BRF1: variants seen among roughly 807,000 people sequenced by gnomAD.
The protein encoded by BRF1 is transcription factor IIIB 90 kDa subunit.
BRF1 carries 59 observed loss-of-function variants against 81.7 expected under a neutral mutation model. The observed-to-expected ratio is 0.72, with a 90% confidence interval of 0.59 to 0.90. The LOEUF (loss-of-function observed/expected upper bound fraction) is 0.90. Ranked by LOEUF, BRF1 falls within the 40% of genes least tolerant of loss-of-function variation. The pLI, the probability that BRF1 is intolerant of heterozygous loss-of-function variation, is 0.00. For synonymous variants in BRF1, 491 were observed against 395.6 expected (o/e 1.24, Z -2.86); for missense variants, 1,050 against 936.3 (o/e 1.12, Z -1.58).
At position 105,272,075 on chromosome 14, in the gene BRF1, A is replaced by G. The variant is rs1193606745; in HGVS notation, c.439+646T>C. Among the ~76,000 whole-genome samples, 13 of 82,908 alleles carry G rather than the reference A, an allele frequency of 1.6e-4. 1 individual carries two copies. Among genetic ancestry groups the G allele is most frequent in the South Asian group, 4.6e-4 (1 of 2,182 alleles). 54.4% of individuals were successfully genotyped at this position (82,908 alleles called of 152,430 possible). ...GGCGGCCTCCCCGCCCACCGCCTGC[A>G]GTCACGGTGTCCACGCACAAGGCCA... On this transcript the variant is annotated intron_variant, in intron 3 of 17. Coordinates refer to ENST00000547530, the MANE Select transcript of BRF1 (RefSeq NM_001519.4).
chr14:105,262,087 C>T lies in BRF1; in HGVS notation c.440-5538G>A, dbSNP rs187973814. Among the ~76,000 whole-genome samples the T allele has an allele frequency of 5.9e-4, 90 of 152,322 alleles. No individual in the cohort carries two copies. The South Asian group carries it at 8.9e-3, about 15-fold the overall frequency. ...GCAGCACTCAGCATACAGCACTCAGCGGCCGACCAAGCACCCACACAGGAG... is the reference window on the plus strand; with the variant it reads ...GCAGCACTCAGCATACAGCACTCAGTGGCCGACCAAGCACCCACACAGGAG... On this transcript the variant is annotated intron_variant, in intron 3 of 17. Coordinates refer to ENST00000547530, the MANE Select transcript of BRF1 (RefSeq NM_001519.4).
At chr14:105,249,261 G>A in intron 5 of BRF1, 1 of 1,564,196 alleles carries the variant, frequency 6.4e-7, no homozygotes, top group Non-Finnish European at 8.6e-7. Flanking sequence ...GGTAGCGGCG[G>A]CCCCTCTCGG....
intron 5 of BRF1, chr14:105,242,745 A>G (rs2054780540): frequency 6.7e-6 from 1 of 149,844 alleles, no homozygotes; most frequent in Admixed American, 6.6e-5. Context: ...CAAAAAAAAA[A>G]AAAAAAAAAA....
intron 6 of BRF1, among the ~76,000 whole-genome samples, chr14:105,240,922 A>T (rs1367719395): frequency 6.6e-6 from 1 of 152,012 alleles, no homozygotes; most frequent in Non-Finnish European, 1.5e-5. Flanking sequence ...ATCTCAGGAG[A>T]GAGAGGCCAC....
chr14:105,241,520 C>G (rs920039795), intron 5 of BRF1, 106 bp from the exon 6 acceptor site: 1 of 1,382,102 alleles, frequency 7.2e-7, no homozygotes, highest in African/African-American at 1.4e-5. Context: ...TCTTTCCAGG[C>G]CCCCAGGCCC....
intron 14 of BRF1, among the ~76,000 whole-genome samples, chr14:105,218,585 T>C (rs1363407683): frequency 6.6e-6 from 1 of 152,210 alleles, no homozygotes; most frequent in Non-Finnish European, 1.5e-5. Flanking sequence ...TGAAGGCACA[T>C]TCCGCCAGAG....
intron 5 of BRF1, chr14:105,248,569 T>TACGGGCGCGGGCGGG (rs1220722542): frequency 1.9e-6 from 1 of 536,822 alleles, no homozygotes; most frequent in Non-Finnish European, 2.2e-6. Context: ...GGGTACGGGC[T>TACGGGCGCGGGCGGG]CGGGCGGGCG....
At position 105,248,577 on chromosome 14, in the gene BRF1, G is replaced by GCGGGTACGGGCT. The variant is rs1555384304; in HGVS notation, c.544+3929_544+3930insAGCCCGTACCCG. 9.3e-5 allele frequency: 85 copies of GCGGGTACGGGCT among 912,184 alleles called. No homozygotes were observed. The African/African-American group carries it at 1.5e-3, about 16-fold the overall frequency. The allele number at this position is 912,184 out of a possible 1,614,324, so 56.5% of individuals were successfully genotyped here. ...CCGCGGCGGGTACGGGCTCGGGCGG[G>GCGGGTACGGGCT]CGGGCGGGCGGGACGGCGCCCCCCG... On this transcript the variant is annotated intron_variant, in intron 5 of 17. Transcript: ENST00000547530.
At chr14:105,225,654 T>C (rs1892969072) in intron 10 of BRF1, among the ~76,000 whole-genome samples, 1 of 152,026 alleles carries the variant, frequency 6.6e-6, no homozygotes, top group Non-Finnish European at 1.5e-5. Context: ...TACATTCTTT[T>C]TTTTTTTGTT....
chr14:105,241,440 C>A (rs780588008), intron 5 of BRF1, 26 bp from the exon 6 acceptor site: 1 of 1,607,992 alleles, frequency 6.2e-7, no homozygotes, highest in Non-Finnish European at 8.5e-7. Context: ...CACCTCAGTG[C>A]CCACCTCCAT....
intron 10 of BRF1, among the ~76,000 whole-genome samples, chr14:105,224,094 T>C (rs1441640394): frequency 6.6e-6 from 1 of 152,220 alleles, no homozygotes; most frequent in South Asian, 2.1e-4. Context: ...CATCTGTAGC[T>C]GAGGCTGGCT....
chr14:105,303,608 G>C (rs923726951), upstream of BRF1, among the ~76,000 whole-genome samples: 8 of 152,124 alleles, frequency 5.3e-5, no homozygotes, highest in Admixed American at 1.3e-4. Context: ...TTTATAAATA[G>C]GCATTTTATT....
chr14:105,257,406 G>A (rs1232017722), intron 3 of BRF1, among the ~76,000 whole-genome samples: 2 of 152,162 alleles, frequency 1.3e-5, no homozygotes, highest in African/African-American at 2.4e-5. Flanking sequence ...TGGTTAGGAC[G>A]CCAGCCCACT....
chr14:105,209,624 C>T lies in BRF1; in HGVS notation c.*927G>A, dbSNP rs753996882. ...CCACGAAGAGGCCTGGGGAGGCTCTCGGGCCTCCGTCTGCCCTCCCTCCTC... is the reference window on the plus strand; with the variant it reads ...CCACGAAGAGGCCTGGGGAGGCTCTTGGGCCTCCGTCTGCCCTCCCTCCTC... On this transcript the variant is annotated 3_prime_UTR_variant, in exon 18 of 18. Transcript: ENST00000547530. 1.0e-5 allele frequency: 7 copies of T among 696,748 alleles called. No homozygotes were observed. Among genetic ancestry groups the T allele is most frequent in the South Asian group, 1.5e-5 (1 of 67,142 alleles). 43.2% of individuals were successfully genotyped at this position (696,748 alleles called of 1,614,324 possible). A position where few individuals can be genotyped will look rare whatever the true frequency, so the allele number is the denominator to read the frequency against.
chr14:105,226,494 G>C (rs1356155342), intron 8 of BRF1, 140 bp downstream of exon 8: 1 of 1,504,268 alleles, frequency 6.6e-7, no homozygotes, highest in African/African-American at 1.4e-5. Context: ...CGGAGCCTCG[G>C]GCTCTGGCTG....
Position 105,249,621 on chromosome 14 carries a change from C to G in BRF1, c.544+2886G>C, listed in dbSNP as rs746780123. On this transcript the variant is annotated intron_variant, in intron 5 of 17. Transcript: ENST00000547530. ...GGTGCTTGGGAGCCAGCCCCTGACG[C>G]GGGCCCTGCCTCGCCTAGGTACATG... 32 of 1,595,116 alleles carry G rather than the reference C, an allele frequency of 2.0e-5. No individual in the cohort carries two copies. The South Asian group carries it at 3.6e-4, about 18-fold the overall frequency.
intron 8 of BRF1, 112 bp downstream of exon 8, chr14:105,226,522 C>T (rs1893124583): frequency 5.2e-6 from 8 of 1,546,668 alleles, no homozygotes; most frequent in Admixed American, 3.7e-5. Flanking sequence ...CACTGAAGAG[C>T]GGCTATGAGG....
chr14:105,219,446 C>T lies in BRF1; in HGVS notation c.1378-214G>A, dbSNP rs1354349611. The T allele has an allele frequency of 8.4e-6, 9 of 1,077,024 alleles. No homozygotes were observed. The African/African-American group carries it at 1.3e-4, about 15-fold the overall frequency. The allele number at this position is 1,077,024 out of a possible 1,614,324, so 66.7% of individuals were successfully genotyped here. On this transcript the variant is annotated intron_variant, in intron 12 of 17. Transcript: ENST00000547530. ...CCTGTCCCAAGGCCAACCACGCAGG[C>T]CACATGTGTGAGACCCCCTAGGGCA...
chr14:105,261,657 C>G (rs187138626), intron 3 of BRF1, among the ~76,000 whole-genome samples: 17 of 152,362 alleles, frequency 1.1e-4, no homozygotes, highest in Admixed American at 9.1e-4. Context: ...TACAAATGCT[C>G]TTACTGGATA....
Sources: gnomAD v4.1 joint callset for allele counts (sites outside exome capture counted in the v4.1 genomes callset) on GRCh38, gnomAD v4.1.1 for gene constraint, MANE v1.5 for transcripts, NCBI Gene and HGNC (gene_info 2026-07-23, HGNC 2026-07-21) for gene names.